BBOX1: variants seen among roughly 807,000 people sequenced by gnomAD.
BBOX1 encodes the protein gamma-butyrobetaine dioxygenase.
Under a neutral mutation model 41.6 loss-of-function variants are expected in BBOX1, and 35 were observed. The observed-to-expected ratio is 0.84, with a 90% confidence interval of 0.64 to 1.11. The LOEUF (loss-of-function observed/expected upper bound fraction) is 1.11. Ranked by LOEUF, BBOX1 falls within the 50% of genes most tolerant of loss-of-function variation. The pLI is 0.00. For missense variants in BBOX1, 458 were observed against 460.6 expected, an observed-to-expected ratio of 0.99 and a Z score of 0.05; for synonymous variants, 163 against 154.7, an observed-to-expected ratio of 1.05 and a Z score of -0.40.
In BBOX1 at chr11:27,110,789, T is replaced by C. The variant is rs567239554; in HGVS notation, c.534-4663T>C. On this transcript the variant is annotated intron_variant, in intron 5 of 8. Transcript: ENST00000263182. Reference sequence around the variant, plus strand: ...TTGTTCCCTGCTGTATCTCTGATGCTAAATCAATGACTGAAATAGGTGTTC... The same window carrying C: ...TTGTTCCCTGCTGTATCTCTGATGCCAAATCAATGACTGAAATAGGTGTTC... 3.3e-5 allele frequency among the ~76,000 whole-genome samples: 5 copies of C among 152,144 alleles called. No individual in the cohort carries two copies. In the South Asian group the frequency reaches 1.0e-3, roughly 31 times the overall value.
At chr11:27,097,549 C>G (rs1427248879) in intron 5 of BBOX1, among the ~76,000 whole-genome samples, 3 of 151,990 alleles carry the variant, frequency 2.0e-5, no homozygotes, top group Non-Finnish European at 4.4e-5. Context: ...GAAAAAGTAC[C>G]TTTTGTAATT....
At chr11:27,113,953 A>G (rs1859168967) in intron 5 of BBOX1, among the ~76,000 whole-genome samples, 1 of 151,870 alleles carries the variant, frequency 6.6e-6, no homozygotes, top group Non-Finnish European at 1.5e-5. Flanking sequence ...GAGAAATAAA[A>G]AAGTAAATCT....
intron 4 of BBOX1, among the ~76,000 whole-genome samples, chr11:27,083,912 C>A (rs560026445): frequency 5.3e-5 from 8 of 152,186 alleles, no homozygotes; most frequent in African/African-American, 1.9e-4. Flanking sequence ...AACCAGAGCA[C>A]CCTTAGCAGT....
chr11:27,049,637 G>A (rs7108209), intron 2 of BBOX1, among the ~76,000 whole-genome samples: 31,293 of 152,026 alleles, frequency 0.21, 4,139 homozygotes, highest in African/African-American at 0.38. Context: ...CTTATCAGAT[G>A]TATGGGCCCT....
intron 5 of BBOX1, among the ~76,000 whole-genome samples, chr11:27,109,073 C>T (rs1328798105): frequency 6.6e-6 from 1 of 152,022 alleles, no homozygotes; most frequent in Non-Finnish European, 1.5e-5. Context: ...GTTTACAGTC[C>T]AGAAGAGGAA....
chr11:27,096,849 T>C (rs1020447807), intron 5 of BBOX1, among the ~76,000 whole-genome samples: 1 of 152,036 alleles, frequency 6.6e-6, no homozygotes, highest in Admixed American at 6.6e-5. Context: ...TATTAGAATC[T>C]TTCACCATTA....
chr11:27,095,025 G>A (rs1288532339), intron 5 of BBOX1, among the ~76,000 whole-genome samples: 2 of 151,946 alleles, frequency 1.3e-5, no homozygotes, highest in Non-Finnish European at 2.9e-5. Flanking sequence ...TAAGGAAACT[G>A]AAGCGCAGAG....
In BBOX1 at chr11:27,068,250, T is replaced by C. The variant is rs575327895; in HGVS notation, c.334+10935T>C. On this transcript the variant is annotated intron_variant, in intron 4 of 8. Transcript: ENST00000263182. ...TGCAAATATCTGTTGTTTTTTGACT[T>C]TTTAATAATAGCCATTCTGGTGAGG... Among the ~76,000 whole-genome samples, 23 of 152,292 alleles carry C rather than the reference T, an allele frequency of 1.5e-4. No homozygotes were observed. The South Asian group carries it at 4.8e-3, about 32-fold the overall frequency.
rs189194198 is a variant in BBOX1 at position 27,077,463 on chromosome 11, C to A, written c.335-15705C>A. Among the ~76,000 whole-genome samples the A allele has an allele frequency of 2.0e-4, 31 of 152,198 alleles. No homozygotes were observed. In the East Asian group the frequency reaches 5.6e-3, roughly 28 times the overall value. ...GGCTTACAGTGAAGACTACAGCCTGCCACTTCTTTCAAAGGGCCTGTGGTT... is the reference window on the plus strand; with the variant it reads ...GGCTTACAGTGAAGACTACAGCCTGACACTTCTTTCAAAGGGCCTGTGGTT... On this transcript the variant is annotated intron_variant, in intron 4 of 8. Coordinates refer to ENST00000263182, the MANE Select transcript of BBOX1 (RefSeq NM_003986.3).
rs775529519 is a variant in BBOX1 at position 27,119,683 on chromosome 11, CAG to C, written c.675_676del (p.Gly227Ter). 73 of 1,562,490 alleles carry C rather than the reference CAG, an allele frequency of 4.7e-5. No homozygotes were observed. The highest frequency in any genetic ancestry group is 3.4e-4 in the East Asian group (14 of 41,550). ...CTTCACTGCATAAAGCAAACAGTCA[CAG>C]GGGGTGATTCAGAAATTGTAGATGG... On this transcript the variant is annotated frameshift_variant, in exon 7 of 9. Coordinates refer to ENST00000263182, the MANE Select transcript of BBOX1 (RefSeq NM_003986.3). LOFTEE classifies it high-confidence loss of function.
At chr11:27,116,667 G>T (rs1346833920) in intron 6 of BBOX1, among the ~76,000 whole-genome samples, 4 of 151,850 alleles carry the variant, frequency 2.6e-5, no homozygotes, top group African/African-American at 9.7e-5. Flanking sequence ...GCTCCACTCG[G>T]TCTATTCACC....
Position 27,115,467 on chromosome 11 carries a change from G to A in BBOX1, c.549G>A (p.Val183=), listed in dbSNP as rs1246441535. ...CATTTTACAGACATACTTGGCAAGT[G>A]CAAGACAAAATCGATGCAAACAATG... ...YLTFYGHTWQ[V]QDKIDANNVA... is the part of the protein sequence containing the mutation. The change falls in exon 6 of 9, where the codon GTG becomes GTA. Residue 183 remains valine, a synonymous_variant. Coordinates refer to ENST00000263182, the MANE Select transcript of BBOX1 (RefSeq NM_003986.3). 4 of 1,609,914 alleles carry A rather than the reference G, an allele frequency of 2.5e-6. No individual in the cohort carries two copies. The highest frequency in any genetic ancestry group is 2.5e-6 in the Non-Finnish European group (3 of 1,177,680).
At chr11:27,071,203 T>A (rs1857435747) in intron 4 of BBOX1, among the ~76,000 whole-genome samples, 1 of 151,648 alleles carries the variant, frequency 6.6e-6, no homozygotes, top group African/African-American at 2.4e-5. Context: ...TGAAACCCCA[T>A]CTCTACTAAA....
At chr11:27,088,174 C>T (rs1308536253) in intron 4 of BBOX1, among the ~76,000 whole-genome samples, 1 of 151,896 alleles carries the variant, frequency 6.6e-6, no homozygotes, top group Non-Finnish European at 1.5e-5. Context: ...GTAGTGTGTG[C>T]CCTAATCAGA....
chr11:27,062,519 C>T (rs1857159033), intron 4 of BBOX1, among the ~76,000 whole-genome samples: 2 of 151,924 alleles, frequency 1.3e-5, no homozygotes, highest in African/African-American at 4.8e-5. Flanking sequence ...ATGAACATAA[C>T]TTCTCAAATG....
chr11:27,110,190 T>C (rs1056007321), intron 5 of BBOX1, among the ~76,000 whole-genome samples: 5 of 151,918 alleles, frequency 3.3e-5, no homozygotes, highest in Non-Finnish European at 5.9e-5. Flanking sequence ...GAGAGAACCA[T>C]CATGATTCTC....
chr11:27,126,909 C>T (rs1246293458), intron 8 of BBOX1, among the ~76,000 whole-genome samples: 1 of 152,086 alleles, frequency 6.6e-6, no homozygotes, highest in African/African-American at 2.4e-5. Flanking sequence ...CTGCTGACCT[C>T]GTGATCCGCC....
chr11:27,049,134 TTG>T (rs1011680105), intron 2 of BBOX1, among the ~76,000 whole-genome samples: 4 of 1,828 alleles, frequency 2.2e-3, no homozygotes, highest in African/African-American at 6.5e-3. Context: ...CATAAGTTAT[TTG>T]GGGGGGGGGA....
chr11:27,125,262 A>G (rs1859610740), intron 7 of BBOX1, among the ~76,000 whole-genome samples: 1 of 152,202 alleles, frequency 6.6e-6, no homozygotes. Flanking sequence ...TAAAACCATC[A>G]TACTTAGAAC....
Sources: gnomAD v4.1 joint callset for allele counts (sites outside exome capture counted in the v4.1 genomes callset) on GRCh38, gnomAD v4.1.1 for gene constraint, MANE v1.5 for transcripts, NCBI Gene and HGNC (gene_info 2026-07-23, HGNC 2026-07-21) for gene names.